ADAMTSL1: variants seen among roughly 807,000 people sequenced by gnomAD.
ADAMTSL1 encodes the protein ADAMTS like 1, also known as ADAMTS-like protein 1.
Under a neutral mutation model 201.8 loss-of-function variants are expected in ADAMTSL1, and 126 were observed. The observed-to-expected ratio is 0.62, with a 90% CI of 0.54 to 0.72. ADAMTSL1 has a LOEUF of 0.72. ADAMTSL1 is among the 30% of genes least tolerant of loss of function. The probability of loss-of-function intolerance (pLI) is 0.00; values close to 1 mark genes in which losing one functional copy is unlikely to be tolerated. For missense variants in ADAMTSL1, 2,679 were observed against 2,277.8 expected, an observed-to-expected ratio of 1.18 and a Z score of -3.59; for synonymous variants, 1,121 against 903.4, an observed-to-expected ratio of 1.24 and a Z score of -4.32.
intron 1 of ADAMTSL1, among the ~76,000 whole-genome samples, chr9:18,039,406 AT>A (rs1398558347): frequency 5.3e-5 from 8 of 152,186 alleles, no homozygotes; most frequent in Non-Finnish European, 7.3e-5. Flanking sequence ...TTTTAAAAAA[AT>A]AATTCCCCTC....
intron 1 of ADAMTSL1, among the ~76,000 whole-genome samples, chr9:18,143,046 C>T (rs1222725894): frequency 1.3e-5 from 2 of 152,122 alleles, no homozygotes; most frequent in African/African-American, 2.4e-5. Flanking sequence ...GCAGGTCTGT[C>T]GATGGCAGTT....
intron 2 of ADAMTSL1, among the ~76,000 whole-genome samples, chr9:18,396,216 C>CAGTT (rs1817747393): frequency 1.3e-5 from 2 of 152,068 alleles, no homozygotes; most frequent in African/African-American, 4.8e-5. Flanking sequence ...GATGATAAGA[C>CAGTT]AGTTGGTGGC....
At chr9:18,861,747 G>C (rs1014054010) in intron 23 of ADAMTSL1, among the ~76,000 whole-genome samples, 1 of 152,086 alleles carries the variant, frequency 6.6e-6, no homozygotes, top group Non-Finnish European at 1.5e-5. Context: ...GGGCTTGGCT[G>C]CCAAAGGCCA....
intron 21 of ADAMTSL1, among the ~76,000 whole-genome samples, chr9:18,820,499 T>C (rs992368065): frequency 2.0e-5 from 3 of 152,370 alleles, no homozygotes; most frequent in African/African-American, 7.2e-5. Flanking sequence ...ATTTTATTAA[T>C]TTCCTTAATG....
intron 1 of ADAMTSL1, among the ~76,000 whole-genome samples, chr9:18,485,393 T>C (rs1821937138): frequency 6.6e-6 from 1 of 152,252 alleles, no homozygotes; most frequent in African/African-American, 2.4e-5. Context: ...TTGTCATGGA[T>C]TGGCCTGCTG....
intron 2 of ADAMTSL1, among the ~76,000 whole-genome samples, chr9:18,406,415 G>A (rs372601382): frequency 4.0e-5 from 6 of 150,938 alleles, no homozygotes; most frequent in East Asian, 2.0e-4. Flanking sequence ...TGCAACCTCC[G>A]CCTCCTGGGT....
intron 2 of ADAMTSL1, among the ~76,000 whole-genome samples, chr9:18,210,400 A>T (rs1392413305): frequency 6.3e-4 from 1 of 1,596 alleles, no homozygotes; most frequent in Non-Finnish European, 0.019. Flanking sequence ...CTAATATTAT[A>T]TATTATTATA....
intron 2 of ADAMTSL1, among the ~76,000 whole-genome samples, chr9:18,531,531 G>A (rs1212975657): frequency 6.6e-6 from 1 of 152,082 alleles, no homozygotes; most frequent in South Asian, 2.1e-4. Flanking sequence ...TTAATGCATA[G>A]TAATAGTCAG....
intron 2 of ADAMTSL1, among the ~76,000 whole-genome samples, chr9:18,217,909 C>T (rs1286996810): frequency 6.6e-6 from 1 of 151,894 alleles, no homozygotes; most frequent in African/African-American, 2.4e-5. Context: ...AGTAGCCCAC[C>T]CAACTTGGGA....
At chr9:18,833,838 T>A (rs1825149920) in intron 23 of ADAMTSL1, among the ~76,000 whole-genome samples, 1 of 152,218 alleles carries the variant, frequency 6.6e-6, no homozygotes, top group Admixed American at 6.5e-5. Flanking sequence ...CATTTAAGTC[T>A]TCAATCCATC....
intron 1 of ADAMTSL1, among the ~76,000 whole-genome samples, chr9:18,011,615 A>G (rs1483032363): frequency 6.6e-6 from 1 of 152,014 alleles, no homozygotes; most frequent in South Asian, 2.1e-4. Context: ...ACAGTCCAGG[A>G]CCCAGCCGTA....
At chr9:18,368,388 G>A (rs889385230) in intron 2 of ADAMTSL1, among the ~76,000 whole-genome samples, 2 of 152,202 alleles carry the variant, frequency 1.3e-5, no homozygotes, top group Non-Finnish European at 2.9e-5. Context: ...TGCCTTTGTA[G>A]AGATGCCTGC....
At chr9:18,499,359 G>C (rs1449828475) in intron 1 of ADAMTSL1, among the ~76,000 whole-genome samples, 4 of 152,206 alleles carry the variant, frequency 2.6e-5, no homozygotes, top group African/African-American at 9.6e-5. Flanking sequence ...CAGGAGCAGG[G>C]AATCACAACC....
chr9:18,735,307 C>T (rs752137100), intron 15 of ADAMTSL1, among the ~76,000 whole-genome samples: 1 of 152,162 alleles, frequency 6.6e-6, no homozygotes, highest in African/African-American at 2.4e-5. Flanking sequence ...GAATGTTTTG[C>T]GAAGTTTTCT....
At chr9:18,280,097 G>C (rs1832727823) in intron 2 of ADAMTSL1, among the ~76,000 whole-genome samples, 1 of 152,140 alleles carries the variant, frequency 6.6e-6, no homozygotes. Context: ...GAGGGTATTG[G>C]AGCCAGTAGT....
At chr9:18,744,467 C>G (rs1819017421) in intron 15 of ADAMTSL1, among the ~76,000 whole-genome samples, 1 of 152,198 alleles carries the variant, frequency 6.6e-6, no homozygotes, top group South Asian at 2.1e-4. Flanking sequence ...AGGAAGCTGC[C>G]TCACTCTACT....
chr9:18,073,636 A>G (rs548968797), intron 1 of ADAMTSL1, among the ~76,000 whole-genome samples: 4 of 152,166 alleles, frequency 2.6e-5, no homozygotes, highest in African/African-American at 4.8e-5. Context: ...TTCACGTATA[A>G]CTATATCATG....
intron 15 of ADAMTSL1, among the ~76,000 whole-genome samples, chr9:18,725,195 C>T (rs551404887): frequency 3.3e-5 from 5 of 152,208 alleles, no homozygotes; most frequent in East Asian, 1.9e-4. Context: ...CGTGAGCCAA[C>T]GTGCCCGGCC....
At chr9:18,524,656 GT>G (rs1417574619) in intron 2 of ADAMTSL1, among the ~76,000 whole-genome samples, 1 of 152,146 alleles carries the variant, frequency 6.6e-6, no homozygotes, top group Non-Finnish European at 1.5e-5. Flanking sequence ...ATGAAGGGGT[GT>G]TGAATTTTAT....
Sources: allele counts gnomAD v4.1 joint callset (sites outside exome capture counted in the v4.1 genomes callset), GRCh38; gene constraint gnomAD v4.1.1; transcripts MANE v1.5; gene names NCBI Gene and HGNC (gene_info 2026-07-23, HGNC 2026-07-21).